Variants in VEZT observed in about 807,000 individuals in gnomAD.
VEZT encodes the protein vezatin, adherens junctions transmembrane protein, also known as vezatin.
VEZT carries 39 observed loss-of-function variants against 79.9 expected under a neutral mutation model. That is an observed-to-expected ratio of 0.49 (90% CI 0.38 to 0.64). The LOEUF (loss-of-function observed/expected upper bound fraction) is 0.64, where lower values mean the gene tolerates loss of function less well. Among genes scored for constraint, VEZT ranks in the 30% least tolerant of loss-of-function variants. The pLI, the probability that VEZT is intolerant of heterozygous loss-of-function variation, is 0.00. For missense variants in VEZT, 837 were observed against 893.1 expected, an observed-to-expected ratio of 0.94 and a Z score of 0.80; for synonymous variants, 325 against 327.6, an observed-to-expected ratio of 0.99 and a Z score of 0.09.
chr12:95,236,792 G>A (rs1247847230), intron 1 of VEZT, among the ~76,000 whole-genome samples: 2 of 151,964 alleles, frequency 1.3e-5, no homozygotes, highest in Admixed American at 6.6e-5. Flanking sequence ...TCACTACATT[G>A]GCCAAGCTGG....
chr12:95,269,521 A>G (rs1482784336), intron 5 of VEZT, among the ~76,000 whole-genome samples: 1 of 152,186 alleles, frequency 6.6e-6, no homozygotes, highest in Non-Finnish European at 1.5e-5. Flanking sequence ...ATGTATTTCT[A>G]TACAGTATTT....
intron 3 of VEZT, among the ~76,000 whole-genome samples, chr12:95,260,653 A>G (rs1017163360): frequency 6.6e-6 from 1 of 152,158 alleles, no homozygotes; most frequent in Non-Finnish European, 1.5e-5. Context: ...AACTTACCTT[A>G]TATAGGTACA....
Position 95,232,741 on chromosome 12 carries a change from A to G in VEZT, c.36+14855A>G, listed in dbSNP as rs185833336. 7.4e-4 allele frequency among the ~76,000 whole-genome samples: 112 copies of G among 152,302 alleles called. 1 individual carries two copies. Among genetic ancestry groups the G allele is most frequent in the Admixed American group, 3.4e-3 (52 of 15,294 alleles). ...ACTGACATTTTAAATAAAGGAATGTATAATAGTTGAAGTAGAGCATTAGTT... is the reference window on the plus strand; with the variant it reads ...ACTGACATTTTAAATAAAGGAATGTGTAATAGTTGAAGTAGAGCATTAGTT... On this transcript the variant is annotated intron_variant, in intron 1 of 11. Transcript: ENST00000436874.
intron 1 of VEZT, among the ~76,000 whole-genome samples, chr12:95,232,758 G>C (rs754256770): frequency 1.3e-5 from 2 of 152,076 alleles, no homozygotes. Context: ...TTGAAGTAGA[G>C]CATTAGTTTT....
chr12:95,280,477 CAT>C (rs1157500499), intron 7 of VEZT, among the ~76,000 whole-genome samples: 1 of 122,274 alleles, frequency 8.2e-6, no homozygotes, highest in Non-Finnish European at 1.8e-5. Flanking sequence ...TGTACACACA[CAT>C]ACACACACAC....
intron 6 of VEZT, among the ~76,000 whole-genome samples, chr12:95,272,786 C>G (rs749089859): frequency 1.3e-5 from 2 of 152,172 alleles, no homozygotes; most frequent in African/African-American, 2.4e-5. Context: ...GAGACAGTGT[C>G]TCATCTGTCA....
chr12:95,224,087 T>C (rs2058042133), intron 1 of VEZT: 1 of 437,746 alleles, frequency 2.3e-6, no homozygotes, highest in African/African-American at 2.0e-5. Context: ...CATTGGTGAT[T>C]ATTTTTCTCC....
intron 9 of VEZT, among the ~76,000 whole-genome samples, chr12:95,293,369 A>C (rs1414937845): frequency 6.6e-6 from 1 of 152,076 alleles, no homozygotes; most frequent in Non-Finnish European, 1.5e-5. Context: ...GTTACTTTTG[A>C]AAATTAAAAA....
chr12:95,298,691 C>T (rs898610390), intron 11 of VEZT, among the ~76,000 whole-genome samples: 2 of 152,150 alleles, frequency 1.3e-5, no homozygotes, highest in Non-Finnish European at 2.9e-5. Context: ...TCAATTGATC[C>T]TCTCATTACT....
rs1566215795 is a variant in VEZT at position 95,274,920 on chromosome 12, G to A, written c.996+31G>A. Reference sequence around the variant, plus strand: ...CCATTTGTGTAAGGGAAGGGCTGAAGAAAAAATAGATGCACTTGGATTGTG... The same window carrying A: ...CCATTTGTGTAAGGGAAGGGCTGAAAAAAAAATAGATGCACTTGGATTGTG... On this transcript the variant is annotated intron_variant, in intron 7 of 11. Coordinates refer to ENST00000436874, the MANE Select transcript of VEZT (RefSeq NM_017599.4). The A allele has an allele frequency of 3.1e-6, 5 of 1,599,458 alleles. No individual in the cohort carries two copies. The Admixed American group carries it at 5.3e-5, about 17-fold the overall frequency.
At chr12:95,244,034 T>A (rs566454254) in intron 1 of VEZT, 10 of 455,380 alleles carry the variant, frequency 2.2e-5, no homozygotes, top group African/African-American at 1.8e-4. Context: ...TTATAAAATA[T>A]GCAGTGTCAA....
chr12:95,253,371 A>C (rs1432939462), intron 2 of VEZT, among the ~76,000 whole-genome samples: 1 of 152,214 alleles, frequency 6.6e-6, no homozygotes, highest in East Asian at 1.9e-4. Context: ...TCTAGTAAAC[A>C]CTAGAGAATT....
chr12:95,220,773 A>G (rs1054599661), intron 1 of VEZT, among the ~76,000 whole-genome samples: 7 of 152,150 alleles, frequency 4.6e-5, no homozygotes, highest in Admixed American at 2.0e-4. Context: ...ATGGTCATTG[A>G]GTAGTTCCCA....
At chr12:95,233,101 C>T (rs79411234) in intron 1 of VEZT, among the ~76,000 whole-genome samples, 1 of 151,908 alleles carries the variant, frequency 6.6e-6, no homozygotes, top group Non-Finnish European at 1.5e-5. Flanking sequence ...CCACTGCATC[C>T]ACCCCATTGT....
chr12:95,235,778 A>T (rs1221619627), intron 1 of VEZT, among the ~76,000 whole-genome samples: 1 of 147,454 alleles, frequency 6.8e-6, no homozygotes, highest in African/African-American at 2.5e-5. Flanking sequence ...CACTTCCCAG[A>T]CGGGGTGGCT....
At chr12:95,299,262 G>A (rs1046484262) in intron 11 of VEZT, 2 of 154,698 alleles carry the variant, frequency 1.3e-5, no homozygotes, top group Non-Finnish European at 2.9e-5. Flanking sequence ...CCAGCTCTTC[G>A]AGAAGCACTT....
intron 11 of VEZT, chr12:95,296,732 G>A (rs1391279030): frequency 2.0e-5 from 3 of 152,908 alleles, no homozygotes; most frequent in Admixed American, 6.5e-5. Flanking sequence ...TTGAGGTCAG[G>A]AGTTCAAGAC....
chr12:95,278,573 ATT>A (rs1253356864), intron 7 of VEZT, among the ~76,000 whole-genome samples: 1 of 152,184 alleles, frequency 6.6e-6, no homozygotes, highest in Non-Finnish European at 1.5e-5. Context: ...TTAAAAATAG[ATT>A]TTGTAAGTTA....
chr12:95,275,922 A>C (rs1052216896), intron 7 of VEZT: 2 of 149,778 alleles, frequency 1.3e-5, no homozygotes, highest in Non-Finnish European at 3.0e-5. Context: ...AATATGATAA[A>C]ATTTTTCATT....
Sources: allele counts gnomAD v4.1 joint callset (sites outside exome capture counted in the v4.1 genomes callset), GRCh38; gene constraint gnomAD v4.1.1; transcripts MANE v1.5; gene names NCBI Gene and HGNC (gene_info 2026-07-23, HGNC 2026-07-21).